The following CEP128 variants were observed in gnomAD, a reference collection of about 807,000 sequenced individuals.
The protein encoded by CEP128 is centrosomal protein 128kDa.
In CEP128, 132 loss-of-function variants were observed where a neutral mutation model predicts 156.7. That is an observed-to-expected ratio of 0.84 (90% confidence interval 0.73 to 0.97). CEP128 has a LOEUF of 0.97. Ranked by LOEUF, CEP128 falls within the 50% of genes least tolerant of loss-of-function variation. The probability of loss-of-function intolerance (pLI) is 0.00; values close to 1 mark genes in which losing one functional copy is unlikely to be tolerated. For synonymous variants in CEP128, 469 were observed against 448.9 expected, an observed-to-expected ratio of 1.04 and a Z score of -0.57; for missense variants, 1,252 against 1,281.9, an observed-to-expected ratio of 0.98 and a Z score of 0.36.
intron 19 of CEP128, among the ~76,000 whole-genome samples, chr14:80,674,892 C>CG (rs1895998594): frequency 6.6e-6 from 1 of 152,078 alleles, no homozygotes; most frequent in Non-Finnish European, 1.5e-5. Flanking sequence ...ATGCAGCATA[C>CG]AGCTACATTC....
chr14:80,937,541 G>A (rs1885877788), intron 2 of CEP128, among the ~76,000 whole-genome samples: 1 of 151,954 alleles, frequency 6.6e-6, no homozygotes, highest in African/African-American at 2.4e-5. Flanking sequence ...TTTTACAGTT[G>A]TAAAAGAATA....
chr14:80,815,961 A>G (rs925497635), intron 13 of CEP128, among the ~76,000 whole-genome samples: 1 of 152,136 alleles, frequency 6.6e-6, no homozygotes, highest in Non-Finnish European at 1.5e-5. Flanking sequence ...AGAGGGTGGG[A>G]GGGAAGTTTG....
intron 19 of CEP128, among the ~76,000 whole-genome samples, chr14:80,711,221 C>G (rs913695349): frequency 6.6e-6 from 1 of 151,882 alleles, no homozygotes; most frequent in Non-Finnish European, 1.5e-5. Flanking sequence ...GTATTACTTG[C>G]CCTTTTTCTT....
At chr14:80,805,983 C>T (rs1379552541) in intron 13 of CEP128, among the ~76,000 whole-genome samples, 3 of 152,156 alleles carry the variant, frequency 2.0e-5, no homozygotes, top group Non-Finnish European at 4.4e-5. Context: ...GATTCAAATT[C>T]TTAATGAGTG....
chr14:80,675,353 T>C (rs1323248931), intron 19 of CEP128, among the ~76,000 whole-genome samples: 1 of 152,060 alleles, frequency 6.6e-6, no homozygotes, highest in Non-Finnish European at 1.5e-5. Context: ...AGTATGTGAG[T>C]ATTCAACTTT....
intron 19 of CEP128, among the ~76,000 whole-genome samples, chr14:80,650,902 G>A (rs1361443932): frequency 6.6e-6 from 1 of 152,084 alleles, no homozygotes. Context: ...GTCTCTGCCA[G>A]GTTTTGGTAT....
chr14:80,823,838 T>G (rs892369313), intron 13 of CEP128, among the ~76,000 whole-genome samples: 6 of 152,198 alleles, frequency 3.9e-5, no homozygotes, highest in African/African-American at 1.4e-4. Flanking sequence ...CTGGAGGAAG[T>G]GGTCCTCTTC....
At chr14:80,855,163 T>C (rs942786294) in intron 9 of CEP128, among the ~76,000 whole-genome samples, 1 of 152,146 alleles carries the variant, frequency 6.6e-6, no homozygotes, top group Non-Finnish European at 1.5e-5. Context: ...GTAGTACATG[T>C]GTGGTTGTCC....
intron 19 of CEP128, among the ~76,000 whole-genome samples, chr14:80,665,971 C>A (rs1449331061): frequency 2.6e-5 from 4 of 152,154 alleles, no homozygotes; most frequent in Admixed American, 2.6e-4. Context: ...TAAACACTAT[C>A]CAAAAGAGAG....
At chr14:80,626,124 T>C (rs1015125984) in intron 19 of CEP128, among the ~76,000 whole-genome samples, 1 of 152,200 alleles carries the variant, frequency 6.6e-6, no homozygotes, top group African/African-American at 2.4e-5. Context: ...AAAATTAGCA[T>C]GGGTTATTCA....
chr14:80,814,184 A>G (rs560347395), intron 13 of CEP128, among the ~76,000 whole-genome samples: 2 of 152,318 alleles, frequency 1.3e-5, no homozygotes, highest in South Asian at 4.1e-4. Context: ...TGGGGTTCTT[A>G]GAGCTTCTAA....
chr14:80,755,645 T>C (rs1899617774), intron 18 of CEP128, among the ~76,000 whole-genome samples: 1 of 152,222 alleles, frequency 6.6e-6, no homozygotes, highest in Admixed American at 6.5e-5. Flanking sequence ...GAATGGACTA[T>C]CTGAAGAGCA....
intron 16 of CEP128, among the ~76,000 whole-genome samples, chr14:80,773,924 G>A (rs1379168015): frequency 6.6e-6 from 1 of 152,058 alleles, no homozygotes; most frequent in African/African-American, 2.4e-5. Context: ...TAGCTTTTTT[G>A]CCCTGGTTAG....
intron 19 of CEP128, among the ~76,000 whole-genome samples, chr14:80,734,713 T>C (rs1041272703): frequency 1.4e-4 from 21 of 151,506 alleles, no homozygotes; most frequent in Non-Finnish European, 3.1e-4. Flanking sequence ...CTGGGTATGG[T>C]GGTACACACC....
intron 16 of CEP128, among the ~76,000 whole-genome samples, chr14:80,768,360 G>A (rs1395137241): frequency 6.6e-6 from 1 of 152,156 alleles, no homozygotes; most frequent in Non-Finnish European, 1.5e-5. Context: ...AATAAGATCA[G>A]CTGATGAACT....
chr14:80,778,149 G>T, intron 15 of CEP128, 103 bp from the exon 16 acceptor site: 2 of 932,518 alleles, frequency 2.1e-6, no homozygotes, highest in Non-Finnish European at 3.3e-6. Context: ...CAAGATTTCA[G>T]CTCGTTCAAA....
chr14:80,758,853 TA>T (rs1203262178), intron 17 of CEP128, among the ~76,000 whole-genome samples: 1 of 152,208 alleles, frequency 6.6e-6, no homozygotes, highest in Non-Finnish European at 1.5e-5. Context: ...AGCCAACTTA[TA>T]ACTGGGGACA....
At chr14:80,612,586 T>A (rs1893037051) in intron 19 of CEP128, among the ~76,000 whole-genome samples, 1 of 152,192 alleles carries the variant, frequency 6.6e-6, no homozygotes, top group African/African-American at 2.4e-5. Context: ...CATGAATTAC[T>A]TAATAATACT....
chr14:80,773,522 A>G (rs1900627333), intron 16 of CEP128, among the ~76,000 whole-genome samples: 1 of 152,266 alleles, frequency 6.6e-6, no homozygotes, highest in African/African-American at 2.4e-5. Context: ...TATATCTACT[A>G]CCAAACTACT....
Sources: gnomAD v4.1 joint callset for allele counts (sites outside exome capture counted in the v4.1 genomes callset) on GRCh38, gnomAD v4.1.1 for gene constraint, MANE v1.5 for transcripts, NCBI Gene and HGNC (gene_info 2026-07-23, HGNC 2026-07-21) for gene names.